The following ABCA6 variants were observed in gnomAD, a reference collection of about 807,000 sequenced individuals.
The protein encoded by ABCA6 is ATP-binding cassette sub-family A member 6.
ABCA6 carries 164 observed loss-of-function variants against 191.2 expected under a neutral mutation model. The ratio of observed to expected loss-of-function variants is 0.86; its 90% CI spans 0.76 to 0.98. The LOEUF is 0.98. Ranked by LOEUF, ABCA6 falls within the 50% of genes least tolerant of loss-of-function variation. The pLI is 0.00. For missense variants in ABCA6, 1,958 were observed against 1,894.1 expected (o/e 1.03, Z -0.63); for synonymous variants, 636 against 647.7 (o/e 0.98, Z 0.27).
Position 69,084,515 on chromosome 17 carries a change from A to G in ABCA6, c.4185-8T>C. ...TTGAAAGCACTCACTAATCTGACAGAAAACAGAATGAGAATATCTGGTCAA... is the reference window on the plus strand; with the variant it reads ...TTGAAAGCACTCACTAATCTGACAGGAAACAGAATGAGAATATCTGGTCAA... On this transcript the variant is annotated splice_polypyrimidine_tract_variant and splice_region_variant and intron_variant, in intron 32 of 38. Transcript: ENST00000284425. 1 of 1,613,864 alleles carries G rather than the reference A, an allele frequency of 6.2e-7. No individual in the cohort carries two copies. The highest frequency in any genetic ancestry group is 8.5e-7 in the Non-Finnish European group (1 of 1,179,816).
chr17:69,084,574 C>T (rs1270281413), intron 32 of ABCA6, 67 bp from the exon 33 acceptor site: 1 of 1,370,220 alleles, frequency 7.3e-7, no homozygotes, highest in East Asian at 2.3e-5. Flanking sequence ...GCACACAGAA[C>T]AGTAACAGCA....
At chr17:69,083,099 G>C in intron 35 of ABCA6, 86 bp from the exon 36 acceptor site, 1 of 1,582,280 alleles carries the variant, frequency 6.3e-7, no homozygotes, top group Non-Finnish European at 8.6e-7. Flanking sequence ...TAGAAGAAAA[G>C]GTGTCACCAA....
At chr17:69,111,699 A>C (rs532112102) in intron 16 of ABCA6, 2 of 152,902 alleles carry the variant, frequency 1.3e-5, no homozygotes, top group East Asian at 1.9e-4. Flanking sequence ...TATATTACCC[A>C]GTCTCGGGTA....
intron 22 of ABCA6, among the ~76,000 whole-genome samples, chr17:69,099,005 A>G (rs1334434143): frequency 1.3e-5 from 2 of 152,232 alleles, no homozygotes; most frequent in Non-Finnish European, 2.9e-5. Flanking sequence ...TGATGAACAT[A>G]TAATTCAGGC....
chr17:69,138,729 T>A (rs1320532858), intron 2 of ABCA6, among the ~76,000 whole-genome samples: 2 of 150,880 alleles, frequency 1.3e-5, no homozygotes, highest in Admixed American at 6.6e-5. Context: ...AACAGCATGG[T>A]ACTGGTACCA....
Position 69,114,401 on chromosome 17 carries a change from T to C in ABCA6, c.1782+361A>G, listed in dbSNP as rs1209482618. 4.2e-5 allele frequency among the ~76,000 whole-genome samples: 4 copies of C among 94,220 alleles called. 1 individual carries two copies. The highest frequency in any genetic ancestry group is 4.0e-4 in the South Asian group (1 of 2,480). The allele number at this position is 94,220 out of a possible 152,430, so 61.8% of individuals were successfully genotyped here. A position where few individuals can be genotyped will look rare whatever the true frequency, so the allele number is the denominator to read the frequency against. Reference sequence around the variant, plus strand: ...GACACAGGAAGGGGAACATCACACATGGGGGCCTGTTGTGGGGTGGGGGGA... The same window carrying C: ...GACACAGGAAGGGGAACATCACACACGGGGGCCTGTTGTGGGGTGGGGGGA... On this transcript the variant is annotated intron_variant, in intron 13 of 38. Coordinates refer to ENST00000284425, the MANE Select transcript of ABCA6 (RefSeq NM_080284.3).
Position 69,136,151 on chromosome 17 carries a change from G to C in ABCA6, c.401C>G (p.Ser134Cys). ...AMGIIFNETF[S>C]YKLIFFQGYN... ...TCCCTGGAAAAATATTAACTTATAA[G>C]AGAAAGTTTCATTAAAGATGATTCC... Residue 134 changes from serine (S) to cysteine (C), a missense_variant, in exon 4 of 39, where the codon TCT becomes TGT. Ser to Cys is a moderately radical substitution (Grantham distance 112, BLOSUM62 -1). Transcript: ENST00000284425. 6.2e-7 allele frequency: 1 copy of C among 1,607,934 alleles called. No homozygotes were observed. Among genetic ancestry groups the C allele is most frequent in the East Asian group, 2.2e-5 (1 of 44,742 alleles).
At chr17:69,082,774 T>C (rs2072673488) in intron 36 of ABCA6, 99 bp downstream of exon 36, 2 of 1,521,490 alleles carry the variant, frequency 1.3e-6, no homozygotes, top group African/African-American at 1.4e-5. Flanking sequence ...CTAACTTTTA[T>C]TATGAAGCCA....
chr17:69,127,340 A>G (rs1445361172), intron 8 of ABCA6, among the ~76,000 whole-genome samples: 1 of 152,146 alleles, frequency 6.6e-6, no homozygotes, highest in African/African-American at 2.4e-5. Flanking sequence ...CACAGTTACC[A>G]TTAAGAGAGG....
At chr17:69,103,634 A>G (rs1011728357) in intron 20 of ABCA6, among the ~76,000 whole-genome samples, 1 of 152,084 alleles carries the variant, frequency 6.6e-6, no homozygotes, top group Non-Finnish European at 1.5e-5. Context: ...GGTAAAACCA[A>G]TTTCCAGGAT....
chr17:69,130,151 C>T (rs1805726049), intron 6 of ABCA6, among the ~76,000 whole-genome samples: 1 of 151,892 alleles, frequency 6.6e-6, no homozygotes. Flanking sequence ...CCCGTCTCTA[C>T]TAAAAATGCA....
chr17:69,116,537 C>T (rs548216016), intron 11 of ABCA6, among the ~76,000 whole-genome samples: 3 of 152,108 alleles, frequency 2.0e-5, no homozygotes, highest in South Asian at 4.2e-4. Context: ...ATTCAAGAAA[C>T]AATTTATGAC....
intron 21 of ABCA6, 55 bp from the exon 22 acceptor site, chr17:69,100,989 C>T: frequency 1.4e-6 from 2 of 1,437,620 alleles, no homozygotes; most frequent in Non-Finnish European, 1.9e-6. Context: ...AGAACAAAGG[C>T]AAGGTTTATG....
chr17:69,086,109 C>T (rs1047062797), intron 30 of ABCA6, among the ~76,000 whole-genome samples: 1 of 152,150 alleles, frequency 6.6e-6, no homozygotes, highest in Non-Finnish European at 1.5e-5. Context: ...CATCTTTCAT[C>T]CCAACTGATA....
intron 1 of ABCA6, among the ~76,000 whole-genome samples, chr17:69,141,144 A>T (rs2074019839): frequency 2.6e-5 from 4 of 152,224 alleles, no homozygotes; most frequent in Admixed American, 2.6e-4. Flanking sequence ...TAACATCAAA[A>T]GTCTGATTAC....
At chr17:69,105,741 T>C in intron 19 of ABCA6, 113 bp from the exon 20 acceptor site, 2 of 884,552 alleles carry the variant, frequency 2.3e-6, no homozygotes, top group African/African-American at 1.7e-5. Context: ...ATCATGATTC[T>C]AGGTGCTAAA....
chr17:69,115,313 G>T, intron 12 of ABCA6, 63 bp downstream of exon 12: 2 of 1,117,186 alleles, frequency 1.8e-6, no homozygotes, highest in Non-Finnish European at 1.3e-6. Context: ...AAAATGAGAG[G>T]CATATGCTTG....
chr17:69,096,124 G>A (rs1397836302), intron 25 of ABCA6, 116 bp downstream of exon 25: 1 of 417,144 alleles, frequency 2.4e-6, no homozygotes, highest in East Asian at 3.9e-5. Context: ...TTTCTATGGT[G>A]TAATTTTGAA....
At chr17:69,133,514 C>T (rs966269987) in intron 6 of ABCA6, 127 bp downstream of exon 6, 5 of 720,854 alleles carry the variant, frequency 6.9e-6, no homozygotes, top group African/African-American at 3.6e-5. Context: ...AAGTAAAAAA[C>T]TCAGAACAAA....
Sources: gnomAD v4.1 joint callset for allele counts (sites outside exome capture counted in the v4.1 genomes callset) on GRCh38, gnomAD v4.1.1 for gene constraint, MANE v1.5 for transcripts, NCBI Gene and HGNC (gene_info 2026-07-23, HGNC 2026-07-21) for gene names.